The following MAPKAP1 variants were observed in gnomAD, a reference collection of about 807,000 sequenced individuals.
MAPKAP1 encodes the protein target of rapamycin complex 2 subunit MAPKAP1.
A neutral mutation model predicts 65.7 loss-of-function variants in MAPKAP1; 20 were observed. The observed-to-expected ratio is 0.30, with a 90% CI of 0.21 to 0.44. MAPKAP1 has a LOEUF of 0.44. Ranked by LOEUF, MAPKAP1 falls within the 20% of genes least tolerant of loss-of-function variation. The pLI is 1.00. For missense variants in MAPKAP1, 423 were observed against 648.0 expected (o/e 0.65, Z 3.77); for synonymous variants, 222 against 244.3 (o/e 0.91, Z 0.85).
At chr9:125,652,437 T>C (rs958927246) in intron 4 of MAPKAP1, among the ~76,000 whole-genome samples, 1 of 152,226 alleles carries the variant, frequency 6.6e-6, no homozygotes, top group Non-Finnish European at 1.5e-5. Flanking sequence ...AAGGAACTGC[T>C]TCTATCAACA....
intron 1 of MAPKAP1, among the ~76,000 whole-genome samples, chr9:125,689,436 GAAAAAAAAAA>G (rs911746619): frequency 2.0e-3 from 30 of 15,270 alleles, no homozygotes; most frequent in African/African-American, 5.5e-3. Context: ...CTCCATCTCG[GAAAAAAAAAA>G]AAAAAAAAAA....
At chr9:125,571,275 T>C (rs1051810417) in intron 5 of MAPKAP1, among the ~76,000 whole-genome samples, 7 of 152,214 alleles carry the variant, frequency 4.6e-5, no homozygotes, top group East Asian at 1.9e-4. Flanking sequence ...TCCTTATCAA[T>C]TGTGGCTTTA....
At chr9:125,693,540 CAT>C (rs71374292) in intron 1 of MAPKAP1, among the ~76,000 whole-genome samples, 40 of 147,708 alleles carry the variant, frequency 2.7e-4, no homozygotes, top group African/African-American at 6.5e-4. Context: ...TATACACACA[CAT>C]ATATACATAT....
chr9:125,453,986 G>A (rs1853061887), intron 10 of MAPKAP1, among the ~76,000 whole-genome samples: 1 of 152,138 alleles, frequency 6.6e-6, no homozygotes, highest in South Asian at 2.1e-4. Flanking sequence ...TCAAGAAAAG[G>A]TCTGCCCAAT....
In MAPKAP1 at chr9:125,657,726, T is replaced by C. The variant is rs755685789; in HGVS notation, c.423A>G (p.Ile141Met). The change falls in exon 4 of 12, where the codon ATA (isoleucine) becomes ATG (methionine). Residue 141 changes from isoleucine (I) to methionine (M), a missense_variant. This residue lies in a region of MAPKAP1 where 67 missense variants were observed against 69.6 expected (regional missense o/e 0.96). Transcript: ENST00000265960. Reference sequence around the variant, plus strand: ...GGCACTGTTCTAGGCGTACAGATAATATCGACTGCTTCCCAGAAATTGGAG... The same window carrying C: ...GGCACTGTTCTAGGCGTACAGATAACATCGACTGCTTCCCAGAAATTGGAG... Reference protein sequence around the residue: ...EKPPISGKQSILSVRLEQCPL... With the variant: ...EKPPISGKQSMLSVRLEQCPL... The C allele has an allele frequency of 3.1e-6, 5 of 1,614,024 alleles. No individual in the cohort carries two copies. The highest frequency in any genetic ancestry group is 3.4e-6 in the Non-Finnish European group (4 of 1,179,890).
chr9:125,647,791 T>C (rs1246042740), intron 4 of MAPKAP1, among the ~76,000 whole-genome samples: 1 of 152,150 alleles, frequency 6.6e-6, no homozygotes, highest in East Asian at 1.9e-4. Flanking sequence ...TGTGGGTGCC[T>C]AGTAAATGAT....
intron 4 of MAPKAP1, among the ~76,000 whole-genome samples, chr9:125,588,500 C>T (rs532126033): frequency 6.6e-6 from 1 of 152,156 alleles, no homozygotes; most frequent in Non-Finnish European, 1.5e-5. Flanking sequence ...TTAAATACCA[C>T]AGAACCGTAC....
chr9:125,557,794 T>C (rs973392745), intron 6 of MAPKAP1, among the ~76,000 whole-genome samples: 7 of 152,182 alleles, frequency 4.6e-5, no homozygotes, highest in African/African-American at 1.7e-4. Flanking sequence ...GGTAGTGCTG[T>C]CTCTGCCTAG....
intron 1 of MAPKAP1, among the ~76,000 whole-genome samples, chr9:125,689,315 T>C (rs1225291960): frequency 6.6e-6 from 1 of 151,328 alleles, no homozygotes; most frequent in African/African-American, 2.4e-5. Flanking sequence ...CGGGCGCCTG[T>C]AGTCCCAGCT....
intron 5 of MAPKAP1, among the ~76,000 whole-genome samples, chr9:125,578,137 A>C (rs1831503826): frequency 1.3e-5 from 2 of 152,014 alleles, no homozygotes. Flanking sequence ...CTTACCCCCA[A>C]CCCGGTGCTC....
chr9:125,621,268 T>C (rs775555996), intron 4 of MAPKAP1, among the ~76,000 whole-genome samples: 13 of 151,276 alleles, frequency 8.6e-5, no homozygotes, highest in Non-Finnish European at 1.8e-4. Flanking sequence ...CAAGACACTT[T>C]CTCAAAAAAA....
At chr9:125,676,936 TC>T (rs1473825459) in intron 1 of MAPKAP1, among the ~76,000 whole-genome samples, 5 of 152,216 alleles carry the variant, frequency 3.3e-5, no homozygotes, top group South Asian at 2.1e-4. Flanking sequence ...ATTATGACTC[TC>T]CAAGAGGGAG....
intron 1 of MAPKAP1, among the ~76,000 whole-genome samples, chr9:125,686,059 G>A (rs908802000): frequency 3.9e-5 from 6 of 152,194 alleles, no homozygotes; most frequent in Non-Finnish European, 7.3e-5. Context: ...GCTCATGCCT[G>A]TAATCCCAGC....
Position 125,672,583 on chromosome 9 carries a change from T to C in MAPKAP1, c.-9A>G. 6.2e-7 allele frequency: 1 copy of C among 1,612,646 alleles called. No individual in the cohort carries two copies. The highest frequency in any genetic ancestry group is 8.5e-7 in the Non-Finnish European group (1 of 1,178,762). The stretch of plus-strand genomic sequence containing the variant: ...TTGTCCAAGAAGGCCATCCTTTCTG[T>C]GGGCCAATTTCCTTAAAAGGCTATT... On this transcript the variant is annotated 5_prime_UTR_variant, in exon 2 of 12. Coordinates refer to ENST00000265960, the MANE Select transcript of MAPKAP1 (RefSeq NM_001006617.3).
At chr9:125,541,958 G>A (rs1830263439) in intron 7 of MAPKAP1, among the ~76,000 whole-genome samples, 2 of 152,184 alleles carry the variant, frequency 1.3e-5, no homozygotes, top group African/African-American at 2.4e-5. Context: ...ACATCTGGAC[G>A]GAGCCGCCAC....
intron 6 of MAPKAP1, among the ~76,000 whole-genome samples, chr9:125,547,522 A>G (rs1398424100): frequency 2.0e-5 from 3 of 152,142 alleles, no homozygotes; most frequent in Non-Finnish European, 1.5e-5. Flanking sequence ...AGCACCTCAC[A>G]CTATGGCTGG....
At position 125,528,893 on chromosome 9, in the gene MAPKAP1, A is replaced by C. The variant is rs541170494; in HGVS notation, c.958+14166T>G. Reference sequence around the variant, plus strand: ...AAAAAAGGAAGGACTAGCAGGGCGCAGTGGCTCACGCCTGTGATCCCAGCA... The same window carrying C: ...AAAAAAGGAAGGACTAGCAGGGCGCCGTGGCTCACGCCTGTGATCCCAGCA... On this transcript the variant is annotated intron_variant, in intron 7 of 11. Transcript: ENST00000265960. Among the ~76,000 whole-genome samples, 9 of 148,302 alleles carry C rather than the reference A, an allele frequency of 6.1e-5. No individual in the cohort carries two copies. The East Asian group carries it at 1.8e-3, about 30-fold the overall frequency.
intron 9 of MAPKAP1, among the ~76,000 whole-genome samples, chr9:125,479,928 C>T (rs950310261): frequency 2.0e-5 from 3 of 152,168 alleles, no homozygotes; most frequent in Non-Finnish European, 1.5e-5. Context: ...GGTGACCATC[C>T]ATCAGTGTCA....
rs531288676 is a variant in MAPKAP1 at position 125,674,123 on chromosome 9, A to G, written c.-69-1480T>C. On this transcript the variant is annotated intron_variant, in intron 1 of 11. Transcript: ENST00000265960. ...ACCCTGGCCCTATTACTCGTTAGCTATAAGATCTCAGTCAAAATACTTTAC... is the reference window on the plus strand; with the variant it reads ...ACCCTGGCCCTATTACTCGTTAGCTGTAAGATCTCAGTCAAAATACTTTAC... 3.4e-3 allele frequency among the ~76,000 whole-genome samples: 524 copies of G among 152,270 alleles called. 2 individuals carry two copies. Among genetic ancestry groups the G allele is most frequent in the Middle Eastern group, 0.017 (5 of 294 alleles).
Sources: allele counts gnomAD v4.1 joint callset (sites outside exome capture counted in the v4.1 genomes callset), GRCh38; gene constraint gnomAD v4.1.1; regional missense constraint gnomAD v4.1.1; transcripts MANE v1.5; gene names NCBI Gene and HGNC (gene_info 2026-07-23, HGNC 2026-07-21).